The following LRBA variants were observed in gnomAD, a reference collection of about 807,000 sequenced individuals.
LRBA encodes lipopolysaccharide-responsive and beige-like anchor protein.
A neutral mutation model predicts 330.0 loss-of-function variants in LRBA; 176 were observed. That is an observed-to-expected ratio of 0.53 (90% CI 0.47 to 0.60). LRBA has a LOEUF of 0.60. Ranked by LOEUF, LRBA falls within the 20% of genes least tolerant of loss-of-function variation. The pLI, the probability that LRBA is intolerant of heterozygous loss-of-function variation, is 0.00. For missense variants in LRBA, 3,259 were observed against 3,444.8 expected (o/e 0.95, Z 1.35); for synonymous variants, 1,230 against 1,193.0 (o/e 1.03, Z -0.64).
At chr4:150,918,364 C>T (rs768975050) in intron 5 of LRBA, among the ~76,000 whole-genome samples, 3 of 152,106 alleles carry the variant, frequency 2.0e-5, no homozygotes, top group African/African-American at 4.8e-5. Flanking sequence ...TAAAAAGATG[C>T]TCAATATCAT....
chr4:150,597,693 A>G (rs1236605535), intron 38 of LRBA, among the ~76,000 whole-genome samples: 1 of 151,908 alleles, frequency 6.6e-6, no homozygotes, highest in African/African-American at 2.4e-5. Context: ...TCATTAACCA[A>G]AACAAACCAG....
chr4:150,335,451 ATGTG>A lies in LRBA; in HGVS notation c.7363-9557_7363-9554del, dbSNP rs1458438284. Among the ~76,000 whole-genome samples, 4 of 145,316 alleles carry A rather than the reference ATGTG, an allele frequency of 2.8e-5. No homozygotes were observed. The East Asian group carries it at 8.0e-4, about 29-fold the overall frequency. On this transcript the variant is annotated intron_variant, in intron 48 of 56. Coordinates refer to ENST00000651943, the MANE Select transcript of LRBA (RefSeq NM_001364905.1). ...TATACATATATATATACACGTATATATGTGTATATATGTGTATATATATACGTAT... is the reference window on the plus strand; with the variant it reads ...TATACATATATATATACACGTATATATATATATGTGTATATATATACGTAT...
rs1301954747 is a variant in LRBA at position 150,970,554 on chromosome 4, TGTACACACACAC to T, written c.217-41501_217-41490del. On this transcript the variant is annotated intron_variant, in intron 2 of 56. Coordinates refer to ENST00000651943, the MANE Select transcript of LRBA (RefSeq NM_001364905.1). ...GTGTGTGTGTGTGTGTGTGTGTGTG[TGTACACACACAC>T]ACACACACACACACACACACAAAAG... 6.2e-4 allele frequency: 62 copies of T among 99,662 alleles called. 1 individual carries two copies. Among genetic ancestry groups the T allele is most frequent in the African/African-American group, 1.8e-3 (46 of 24,882 alleles). 6.2% of individuals were successfully genotyped at this position (99,662 alleles called of 1,614,324 possible).
At chr4:151,013,065 A>C (rs960814985) in intron 2 of LRBA, 3 of 152,240 alleles carry the variant, frequency 2.0e-5, no homozygotes, top group Non-Finnish European at 2.9e-5. Context: ...ACGCCCGGCC[A>C]GAATTCCATC....
chr4:150,449,779 T>C (rs2046430810), intron 44 of LRBA, among the ~76,000 whole-genome samples: 1 of 152,180 alleles, frequency 6.6e-6, no homozygotes, highest in South Asian at 2.1e-4. Context: ...CATATACTTC[T>C]TTGGGCATAA....
At chr4:150,693,528 C>A (rs1385660221) in intron 36 of LRBA, among the ~76,000 whole-genome samples, 1 of 129,018 alleles carries the variant, frequency 7.8e-6, no homozygotes, top group African/African-American at 2.9e-5. Context: ...CCCGCCACTG[C>A]ACTCCAGCCT....
At chr4:150,489,299 A>G in intron 41 of LRBA, among the ~76,000 whole-genome samples, 1 of 100,076 alleles carries the variant, frequency 1.0e-5, no homozygotes, top group Admixed American at 1.5e-4. Context: ...AATATATAAT[A>G]TATTATATAT....
chr4:150,785,791 C>T (rs1044231936), intron 34 of LRBA, among the ~76,000 whole-genome samples: 9 of 152,226 alleles, frequency 5.9e-5, no homozygotes, highest in Middle Eastern at 3.4e-3. Context: ...ACAGGAGGTA[C>T]GTTGAAAGTA....
chr4:150,489,130 A>AATATATAATATATAATATATAAG (rs1758335821), intron 41 of LRBA, among the ~76,000 whole-genome samples: 1 of 65,734 alleles, frequency 1.5e-5, no homozygotes, highest in Non-Finnish European at 2.6e-5. Context: ...AATATATAAG[A>AATATATAATATATAATATATAAG]ATATATAATA....
intron 30 of LRBA, among the ~76,000 whole-genome samples, chr4:150,818,320 T>C (rs1744893009): frequency 6.6e-6 from 1 of 152,066 alleles, no homozygotes; most frequent in Non-Finnish European, 1.5e-5. Flanking sequence ...GCCAATTAAA[T>C]CAAGGTCTCT....
chr4:150,618,270 T>C (rs992725351), intron 37 of LRBA, among the ~76,000 whole-genome samples: 2 of 152,206 alleles, frequency 1.3e-5, no homozygotes, highest in Admixed American at 6.5e-5. Flanking sequence ...GGATATAGCA[T>C]GGGGAAAACA....
At chr4:150,923,730 T>C (rs1312331757) in intron 4 of LRBA, among the ~76,000 whole-genome samples, 1 of 152,138 alleles carries the variant, frequency 6.6e-6, no homozygotes, top group Non-Finnish European at 1.5e-5. Flanking sequence ...TTTTAATCAG[T>C]TTATAACCAA....
intron 46 of LRBA, chr4:150,423,442 T>G: frequency 1.7e-6 from 1 of 601,830 alleles, no homozygotes; most frequent in Non-Finnish European, 3.0e-6. Flanking sequence ...GGCGGTGAGC[T>G]GTTGCCAGCG....
intron 2 of LRBA, among the ~76,000 whole-genome samples, chr4:150,984,049 C>A (rs1741161084): frequency 6.6e-6 from 1 of 152,200 alleles, no homozygotes; most frequent in Non-Finnish European, 1.5e-5. Flanking sequence ...ACCCCCAACT[C>A]CAACAGCTCA....
chr4:150,627,943 A>G (rs1777014102), intron 37 of LRBA, among the ~76,000 whole-genome samples: 2 of 152,122 alleles, frequency 1.3e-5, no homozygotes, highest in African/African-American at 4.8e-5. Flanking sequence ...TTATGACACT[A>G]TACTAAATTT....
chr4:150,685,420 A>ATTTT (rs70941424), intron 36 of LRBA, among the ~76,000 whole-genome samples: 8 of 17,440 alleles, frequency 4.6e-4, no homozygotes, highest in African/African-American at 7.1e-4. Flanking sequence ...ATATATATAT[A>ATTTT]TTTTTTTTTT....
intron 40 of LRBA, among the ~76,000 whole-genome samples, chr4:150,507,876 A>C (rs1256272384): frequency 6.6e-6 from 1 of 152,100 alleles, no homozygotes; most frequent in African/African-American, 2.4e-5. Context: ...GCACATACAC[A>C]CCATGGAATA....
chr4:150,896,371 A>G (rs1350844232), intron 16 of LRBA, 23 bp downstream of exon 16: 5 of 1,295,246 alleles, frequency 3.9e-6, no homozygotes, highest in Non-Finnish European at 5.4e-6. Context: ...TTAAAATTTC[A>G]AAATATAAAA....
intron 4 of LRBA, among the ~76,000 whole-genome samples, chr4:150,924,662 G>A (rs1733695627): frequency 6.6e-6 from 1 of 152,050 alleles, no homozygotes; most frequent in Non-Finnish European, 1.5e-5. Context: ...TTAGATATAG[G>A]GATTTTTTCA....
Sources: allele counts gnomAD v4.1 joint callset (sites outside exome capture counted in the v4.1 genomes callset), GRCh38; gene constraint gnomAD v4.1.1; transcripts MANE v1.5; gene names NCBI Gene and HGNC (gene_info 2026-07-23, HGNC 2026-07-21).